SMC5: variants seen among roughly 807,000 people sequenced by gnomAD.
SMC5 encodes the protein structural maintenance of chromosomes protein 5.
In SMC5, 88 loss-of-function variants were observed where a neutral mutation model predicts 148.3. The ratio of observed to expected loss-of-function variants is 0.59; its 90% CI spans 0.50 to 0.71. The LOEUF is 0.71. SMC5 is among the 30% of genes least tolerant of loss of function. The pLI is 0.00. For synonymous variants in SMC5, 421 were observed against 432.8 expected, an observed-to-expected ratio of 0.97 and a Z score of 0.34; for missense variants, 1,142 against 1,298.9, an observed-to-expected ratio of 0.88 and a Z score of 1.86.
chr9:70,272,771 A>T (rs1397959408), intron 3 of SMC5, among the ~76,000 whole-genome samples: 1 of 152,204 alleles, frequency 6.6e-6, no homozygotes. Flanking sequence ...CATAGGGAAA[A>T]CTAGGAAAGG....
intron 22 of SMC5, 89 bp downstream of exon 22, chr9:70,348,127 A>C: frequency 8.3e-7 from 1 of 1,211,518 alleles, no homozygotes; most frequent in South Asian, 1.8e-5. Flanking sequence ...TTTACTTTTG[A>C]GTTATATCTG....
chr9:70,350,774 C>T (rs1442883699), intron 24 of SMC5, among the ~76,000 whole-genome samples: 1 of 152,148 alleles, frequency 6.6e-6, no homozygotes, highest in Non-Finnish European at 1.5e-5. Flanking sequence ...GACTCTGGCT[C>T]TTCATTTTCC....
At chr9:70,273,444 G>A (rs929297149) in intron 3 of SMC5, among the ~76,000 whole-genome samples, 5 of 151,534 alleles carry the variant, frequency 3.3e-5, no homozygotes, top group Non-Finnish European at 2.9e-5. Flanking sequence ...AATTTTAGTA[G>A]TTTTTTTCAA....
rs1271896934 is a variant in SMC5, at chr9:70,314,797, A to T, written c.1634A>T (p.Tyr545Phe). 1 of 1,579,788 alleles carries T rather than the reference A, an allele frequency of 6.3e-7. No homozygotes were observed. Among genetic ancestry groups the T allele is most frequent in the Non-Finnish European group, 8.6e-7 (1 of 1,162,164 alleles). The change falls in exon 12 of 25, where the codon TAT (tyrosine) becomes TTT (phenylalanine). Residue 545 changes from tyrosine to phenylalanine, a missense_variant. Physicochemically the swap from Tyr to Phe is conservative, Grantham distance 22 (BLOSUM62 3). Coordinates refer to ENST00000361138, the MANE Select transcript of SMC5 (RefSeq NM_015110.4). ...GCTGTTATTGCTCCCAAGAGTTCAT[A>T]TGCAGACAAAGCACCTTCAAGATCT... ...VNAVIAPKSS[Y>F]ADKAPSRSLN...
intron 8 of SMC5, among the ~76,000 whole-genome samples, chr9:70,292,820 A>G (rs1450814084): frequency 1.3e-5 from 2 of 152,114 alleles, no homozygotes; most frequent in African/African-American, 4.8e-5. Flanking sequence ...ATTTTTGACT[A>G]CCAAATCAAT....
At chr9:70,344,061 A>C in intron 17 of SMC5, 83 bp from the exon 18 acceptor site, 1 of 762,096 alleles carries the variant, frequency 1.3e-6, no homozygotes, top group East Asian at 3.4e-5. Context: ...GAATTCAACA[A>C]TATTTAATAT....
Position 70,308,161 on chromosome 9 carries a change from C to A in SMC5, c.1578+2801C>A, listed in dbSNP as rs560103600. On this transcript the variant is annotated intron_variant, in intron 11 of 24. Transcript: ENST00000361138. The stretch of plus-strand genomic sequence containing the variant: ...CACCATGAATTCACACTACTACTTA[C>A]AATTGCAGTCCAGCTTTGGGGTACC... 5.9e-5 allele frequency among the ~76,000 whole-genome samples: 9 copies of A among 152,196 alleles called. No individual in the cohort carries two copies. In the South Asian group the frequency reaches 1.2e-3, roughly 21 times the overall value.
intron 10 of SMC5, among the ~76,000 whole-genome samples, chr9:70,304,086 T>G (rs946559842): frequency 6.6e-6 from 1 of 152,150 alleles, no homozygotes; most frequent in African/African-American, 2.4e-5. Flanking sequence ...CTAATTCATA[T>G]TTTTACTTTA....
At position 70,345,140 on chromosome 9, in the gene SMC5, T is replaced by C. The variant is rs138286659; in HGVS notation, c.2523+871T>C. Among the ~76,000 whole-genome samples the C allele has an allele frequency of 4.0e-3, 599 of 150,886 alleles. 3 individuals are homozygous for C. Among genetic ancestry groups the C allele is most frequent in the African/African-American group, 0.013 (554 of 41,500 alleles). On this transcript the variant is annotated intron_variant, in intron 18 of 24. Coordinates refer to ENST00000361138, the MANE Select transcript of SMC5 (RefSeq NM_015110.4). ...AACAGTAGAATGTCTTCAGAATACATTGTGTTGTTATAAAATAAATATAAG... is the reference window on the plus strand; with the variant it reads ...AACAGTAGAATGTCTTCAGAATACACTGTGTTGTTATAAAATAAATATAAG...
At chr9:70,284,313 A>C (rs2034838108) in intron 7 of SMC5, among the ~76,000 whole-genome samples, 1 of 152,208 alleles carries the variant, frequency 6.6e-6, no homozygotes, top group African/African-American at 2.4e-5. Flanking sequence ...GCCATTGGTC[A>C]TTTTAAATGT....
intron 17 of SMC5, among the ~76,000 whole-genome samples, chr9:70,342,251 AG>A (rs1166472422): frequency 1.4e-5 from 1 of 72,702 alleles, no homozygotes; most frequent in African/African-American, 5.7e-5. Context: ...GGGTGGGGGG[AG>A]GGGGGAGGGA....
rs903772147 is a variant in SMC5, at chr9:70,317,071, C to G, written c.1807-1443C>G. ...AGACATCTGTATGTACAAGAAAACC[C>G]AAGTTAGAAAGTATTTCAAGTACCT... On this transcript the variant is annotated intron_variant, in intron 13 of 24. Transcript: ENST00000361138. Among the ~76,000 whole-genome samples the G allele has an allele frequency of 3.3e-5, 5 of 151,972 alleles. No individual in the cohort carries two copies. In the East Asian group the frequency reaches 7.7e-4, roughly 24 times the overall value.
At chr9:70,301,204 T>C (rs2035349282) in intron 10 of SMC5, among the ~76,000 whole-genome samples, 1 of 152,186 alleles carries the variant, frequency 6.6e-6, no homozygotes, top group South Asian at 2.1e-4. Context: ...ATAAAAGTTA[T>C]AATGCAGGTG....
intron 2 of SMC5, among the ~76,000 whole-genome samples, chr9:70,266,758 T>C (rs1032203796): frequency 6.6e-6 from 1 of 152,232 alleles, no homozygotes; most frequent in Non-Finnish European, 1.5e-5. Flanking sequence ...AAACATACTC[T>C]ACACCATCTG....
chr9:70,348,034 A>T lies in SMC5; in HGVS notation c.2885A>T (p.Asn962Ile). The change falls in exon 22 of 25, where the codon AAT becomes ATT. Residue 962 changes from asparagine (N) to isoleucine (I), a missense_variant. Physicochemically the swap from Asn to Ile is moderately radical, Grantham distance 149 (BLOSUM62 -3). This residue lies in a region of SMC5 where 743 missense variants were observed against 835.7 expected (regional missense o/e 0.89). Transcript: ENST00000361138. ...CAGEVDLHTE[N>I]EEDYDKYGIR... ...GGTGAAGTTGATCTCCATACAGAAAATGAGGTAAAATTGCATTTGAAATAA... is the reference window on the plus strand; with the variant it reads ...GGTGAAGTTGATCTCCATACAGAAATTGAGGTAAAATTGCATTTGAAATAA... 4 of 1,567,030 alleles carry T rather than the reference A, an allele frequency of 2.6e-6. No individual in the cohort carries two copies. Among genetic ancestry groups the T allele is most frequent in the Non-Finnish European group, 2.6e-6 (3 of 1,164,564 alleles).
chr9:70,279,989 T>A (rs1318141948), intron 5 of SMC5, among the ~76,000 whole-genome samples: 1 of 152,186 alleles, frequency 6.6e-6, no homozygotes, highest in Non-Finnish European at 1.5e-5. Flanking sequence ...CTTTATATAC[T>A]TAATAATATG....
chr9:70,266,174 TA>T (rs962526732), intron 2 of SMC5, among the ~76,000 whole-genome samples: 108 of 149,936 alleles, frequency 7.2e-4, no homozygotes, highest in African/African-American at 1.5e-3. Flanking sequence ...ATAGAAATAA[TA>T]AAAAAAAAAT....
chr9:70,284,496 T>G (rs542918434), intron 7 of SMC5, among the ~76,000 whole-genome samples: 1 of 152,316 alleles, frequency 6.6e-6, no homozygotes, highest in East Asian at 1.9e-4. Context: ...TGTAATTGCT[T>G]TTTTTGGTTC....
intron 18 of SMC5, 93 bp from the exon 19 acceptor site, chr9:70,346,512 G>T (rs1424099985): frequency 8.3e-7 from 1 of 1,202,918 alleles, no homozygotes; most frequent in Non-Finnish European, 1.2e-6. Context: ...TTCTCAGGAT[G>T]CTTTTTTAGT....
Sources: gnomAD v4.1 joint callset for allele counts (sites outside exome capture counted in the v4.1 genomes callset) on GRCh38, gnomAD v4.1.1 for gene constraint, gnomAD v4.1.1 regional missense constraint, MANE v1.5 for transcripts, NCBI Gene and HGNC (gene_info 2026-07-23, HGNC 2026-07-21) for gene names.